The following AZIN2 variants were observed in gnomAD, a reference collection of about 807,000 sequenced individuals.
AZIN2 encodes the protein ODC antizyme inhibitor-2.
Under a neutral mutation model 47.8 loss-of-function variants are expected in AZIN2, and 28 were observed. That is an observed-to-expected ratio of 0.59 (90% confidence interval 0.43 to 0.80). AZIN2 has a LOEUF of 0.80. AZIN2 is among the 30% of genes least tolerant of loss of function. AZIN2 has a pLI of 0.00. For missense variants in AZIN2, 535 were observed against 582.5 expected (o/e 0.92, Z 0.84); for synonymous variants, 221 against 239.4 (o/e 0.92, Z 0.71).
intron 6 of AZIN2, among the ~76,000 whole-genome samples, chr1:33,092,868 C>A (rs763511044): frequency 6.6e-6 from 1 of 152,148 alleles, no homozygotes; most frequent in Admixed American, 6.5e-5. Flanking sequence ...CCAGGAGGGG[C>A]CTTGGGGTGA....
chr1:33,102,764 A>G (rs1414552552), intron 10 of AZIN2, among the ~76,000 whole-genome samples: 1 of 152,026 alleles, frequency 6.6e-6, no homozygotes, highest in African/African-American at 2.4e-5. Context: ...TCTATCCTGG[A>G]TCACACCCCT....
At chr1:33,153,254 C>T in the AZIN2 span, among the ~76,000 whole-genome samples, 3 of 152,164 alleles carry the variant, frequency 2.0e-5, no homozygotes, top group African/African-American at 4.8e-5. Flanking sequence ...TTCACAGGCC[C>T]CACAGACAAA....
At chr1:33,136,001 G>T in the AZIN2 span, among the ~76,000 whole-genome samples, 1 of 151,746 alleles carries the variant, frequency 6.6e-6, no homozygotes, top group Non-Finnish European at 1.5e-5. Context: ...TACTTGTCTG[G>T]ACTGAGCTGG....
At chr1:33,159,468 G>A in the AZIN2 span, among the ~76,000 whole-genome samples, 3 of 152,166 alleles carry the variant, frequency 2.0e-5, 1 homozygote, top group Non-Finnish European at 4.4e-5. The surrounding 1 kb of genome is among the most constrained non-coding windows in gnomAD (Gnocchi z 4.2). Context: ...TTTTCAAACT[G>A]TGTTCCTCAC....
intron 10 of AZIN2, among the ~76,000 whole-genome samples, chr1:33,109,327 C>CTTTTTTTTTTTTTTTTTTTTTTTTTTT (rs1231170138): frequency 7.2e-6 from 1 of 138,012 alleles, no homozygotes. Context: ...TTTTCTTTTT[C>CTTTTTTTTTTTTTTTTTTTTTTTTTTT]TTTTTTTTTT....
At chr1:33,095,838 G>A (rs1643093132) in intron 8 of AZIN2, among the ~76,000 whole-genome samples, 1 of 151,702 alleles carries the variant, frequency 6.6e-6, no homozygotes, top group African/African-American at 2.4e-5. Context: ...GTAAGCTAGA[G>A]GAAATAATTT....
the AZIN2 span, among the ~76,000 whole-genome samples, chr1:33,155,525 G>A: frequency 1.2e-4 from 18 of 152,128 alleles, no homozygotes; most frequent in Admixed American, 3.3e-4. Context: ...TTCCTGGTGT[G>A]TGTGAGGTCA....
rs375185939 is a variant in AZIN2, at chr1:33,107,061, T to C, written c.1029+8882T>C. Among the ~76,000 whole-genome samples, 65 of 146,396 alleles carry C rather than the reference T, an allele frequency of 4.4e-4. 1 individual carries two copies. The South Asian group carries it at 0.013, about 30-fold the overall frequency. On this transcript the variant is annotated intron_variant, in intron 10 of 11. Coordinates refer to ENST00000294517, the MANE Select transcript of AZIN2 (RefSeq NM_052998.4). ...TAGCACTTTGGGAGGCCAAGGCTGG[T>C]GGATCACTTAAGGTCAGGAGTTCAA... is the stretch of plus-strand genomic sequence containing the variant.
In AZIN2 at chr1:33,096,799, C is replaced by T. The variant is rs373883725; in HGVS notation, c.846C>T (p.Thr282=). The T allele has an allele frequency of 8.7e-6, 14 of 1,614,088 alleles. No homozygotes were observed. In the African/African-American group the frequency reaches 1.2e-4, roughly 14 times the overall value. Reference sequence around the variant, plus strand: ...CTGAGCTGGGGCGCTACTACGTGACCTCGGCCTTCACTGTGGCAGTCAGCA... The same window carrying T: ...CTGAGCTGGGGCGCTACTACGTGACTTCGGCCTTCACTGTGGCAGTCAGCA... ...IFAELGRYYV[T]SAFTVAVSII... is the part of the protein sequence containing the mutation. The change falls in exon 9 of 12, where the codon ACC becomes ACT. Residue 282 remains threonine, a synonymous_variant. Coordinates refer to ENST00000294517, the MANE Select transcript of AZIN2 (RefSeq NM_052998.4).
the AZIN2 span, among the ~76,000 whole-genome samples, chr1:33,160,439 C>T: frequency 6.6e-6 from 1 of 151,968 alleles, no homozygotes; most frequent in Non-Finnish European, 1.5e-5. Context: ...AGTTTTGCTC[C>T]TGTCACCCAG....
At chr1:33,149,168 T>C in the AZIN2 span, among the ~76,000 whole-genome samples, 1 of 152,352 alleles carries the variant, frequency 6.6e-6, no homozygotes, top group African/African-American at 2.4e-5. Context: ...TATTTATTTA[T>C]TGGAGACAGA....
At chr1:33,135,846 C>T in the AZIN2 span, among the ~76,000 whole-genome samples, 1 of 152,144 alleles carries the variant, frequency 6.6e-6, no homozygotes, top group African/African-American at 2.4e-5. Flanking sequence ...TATCTCAGTG[C>T]CTAGCAAGCT....
chr1:33,098,327 C>T (rs2124561798), intron 10 of AZIN2, 148 bp downstream of exon 10: 1 of 586,046 alleles, frequency 1.7e-6, no homozygotes, highest in Non-Finnish European at 2.9e-6. Flanking sequence ...CCCATAATCC[C>T]ACCACACTCT....
chr1:33,124,485 C>T (rs113054330), downstream of AZIN2, among the ~76,000 whole-genome samples: 334 of 152,244 alleles, frequency 2.2e-3, 1 homozygote, highest in Non-Finnish European at 4.0e-3. This position sits in a 1 kb window ranked among gnomAD's most constrained non-coding sequence, Gnocchi z 4.6. Flanking sequence ...CTTCCTTCAC[C>T]TCTGCCCACA....
At chr1:33,110,145 G>T (rs1232015071) in intron 10 of AZIN2, among the ~76,000 whole-genome samples, 1 of 152,190 alleles carries the variant, frequency 6.6e-6, no homozygotes, top group Non-Finnish European at 1.5e-5. Context: ...TCTTGGTAGT[G>T]ATTGGAAGAG....
At chr1:33,127,044 G>A (rs1016993119), downstream of AZIN2, among the ~76,000 whole-genome samples, 2 of 152,158 alleles carry the variant, frequency 1.3e-5, no homozygotes, top group African/African-American at 4.8e-5. Flanking sequence ...TTGCCTCAGG[G>A]ATTCCTCAGG....
the AZIN2 span, among the ~76,000 whole-genome samples, chr1:33,133,754 C>T: frequency 6.6e-6 from 1 of 152,242 alleles, no homozygotes; most frequent in Non-Finnish European, 1.5e-5. Flanking sequence ...CCACACAACA[C>T]TGGGCTCCCA....
chr1:33,133,099 G>C, the AZIN2 span, among the ~76,000 whole-genome samples: 1 of 152,232 alleles, frequency 6.6e-6, no homozygotes, highest in African/African-American at 2.4e-5. Context: ...GAGACACTGT[G>C]GGGTCGAGGG....
chr1:33,102,713 C>G (rs963000927), intron 10 of AZIN2, among the ~76,000 whole-genome samples: 1 of 152,184 alleles, frequency 6.6e-6, no homozygotes, highest in African/African-American at 2.4e-5. Flanking sequence ...GACTGAGGCT[C>G]TTAGTATCTT....
Sources: gnomAD v4.1 joint callset for allele counts (sites outside exome capture counted in the v4.1 genomes callset) on GRCh38, gnomAD v4.1.1 for gene constraint, Gnocchi (gnomAD v3.1) non-coding constraint, MANE v1.5 for transcripts, NCBI Gene and HGNC (gene_info 2026-07-23, HGNC 2026-07-21) for gene names.